ABTB3: variants seen among roughly 807,000 people sequenced by gnomAD.
ABTB3 encodes ankyrin repeat and BTB domain containing 3.
chr12:107,547,818 G>T, the ABTB3 span, among the ~76,000 whole-genome samples: 1 of 152,182 alleles, frequency 6.6e-6, no homozygotes, highest in Non-Finnish European at 1.5e-5. Flanking sequence ...TCATGAGACT[G>T]ATGTGAGCAA....
chr12:107,525,683 G>C, the ABTB3 span, among the ~76,000 whole-genome samples: 1 of 152,206 alleles, frequency 6.6e-6, no homozygotes, highest in Admixed American at 6.5e-5. Flanking sequence ...GACCACCTCT[G>C]CAGACTGGGA....
the ABTB3 span, among the ~76,000 whole-genome samples, chr12:107,437,691 C>T: frequency 6.6e-6 from 1 of 152,154 alleles, no homozygotes; most frequent in Non-Finnish European, 1.5e-5. Flanking sequence ...TGTGAGCCAC[C>T]ACACCCGGCC....
chr12:107,387,528 G>A, the ABTB3 span, among the ~76,000 whole-genome samples: 2 of 152,336 alleles, frequency 1.3e-5, no homozygotes, highest in African/African-American at 4.8e-5. Context: ...GGGGAAGACA[G>A]ATGTTAAACA....
the ABTB3 span, among the ~76,000 whole-genome samples, chr12:107,440,096 C>T: frequency 6.6e-6 from 1 of 152,236 alleles, no homozygotes; most frequent in Non-Finnish European, 1.5e-5. Context: ...CCCCGCCGCT[C>T]CTTACAATCC....
At chr12:107,493,488 C>A in the ABTB3 span, among the ~76,000 whole-genome samples, 1 of 152,182 alleles carries the variant, frequency 6.6e-6, no homozygotes, top group Non-Finnish European at 1.5e-5. Flanking sequence ...GCCTCAGAGG[C>A]CGGCCCCTCT....
At chr12:107,348,532 G>T in the ABTB3 span, among the ~76,000 whole-genome samples, 19 of 152,254 alleles carry the variant, frequency 1.2e-4, no homozygotes, top group African/African-American at 4.3e-4. Flanking sequence ...AGACCAAACT[G>T]GGCAACATAG....
At chr12:107,571,620 G>T in the ABTB3 span, among the ~76,000 whole-genome samples, 5 of 152,246 alleles carry the variant, frequency 3.3e-5, no homozygotes, top group African/African-American at 9.6e-5. Flanking sequence ...GCCCAAGCCT[G>T]CAAGGCGTGT....
At chr12:107,558,488 G>T in the ABTB3 span, among the ~76,000 whole-genome samples, 3 of 152,210 alleles carry the variant, frequency 2.0e-5, no homozygotes, top group African/African-American at 7.2e-5. Context: ...TCGGGGAGAA[G>T]ATTTTTGTCT....
At chr12:107,568,617 C>A in the ABTB3 span, among the ~76,000 whole-genome samples, 1 of 152,202 alleles carries the variant, frequency 6.6e-6, no homozygotes, top group Non-Finnish European at 1.5e-5. Flanking sequence ...AGCTACCAAA[C>A]TGGACAGCAC....
chr12:107,331,396 C>T, the ABTB3 span, among the ~76,000 whole-genome samples: 3 of 152,156 alleles, frequency 2.0e-5, no homozygotes, highest in Non-Finnish European at 2.9e-5. Flanking sequence ...ACAGTTGCTC[C>T]GCGGGAGAGG....
At chr12:107,618,366 A>T in the ABTB3 span, 1 of 1,612,642 alleles carries the variant, frequency 6.2e-7, no homozygotes, top group East Asian at 2.2e-5. Flanking sequence ...CACAATTGAT[A>T]TCAGGAGCAT....
chr12:107,474,783 C>G, the ABTB3 span, among the ~76,000 whole-genome samples: 1 of 151,976 alleles, frequency 6.6e-6, no homozygotes, highest in Non-Finnish European at 1.5e-5. Flanking sequence ...AGCAGATGCC[C>G]TGCAGAGTGA....
the ABTB3 span, among the ~76,000 whole-genome samples, chr12:107,499,967 T>C: frequency 6.6e-6 from 1 of 152,176 alleles, no homozygotes; most frequent in Non-Finnish European, 1.5e-5. Flanking sequence ...ATTACAGACA[T>C]GAGCCACTGG....
the ABTB3 span, among the ~76,000 whole-genome samples, chr12:107,322,236 C>T: frequency 2.0e-5 from 3 of 152,168 alleles, no homozygotes; most frequent in South Asian, 4.1e-4. Flanking sequence ...GAGTGTGTGA[C>T]GGTTGGGGTT....
the ABTB3 span, among the ~76,000 whole-genome samples, chr12:107,412,011 G>A: frequency 6.6e-6 from 1 of 152,228 alleles, no homozygotes; most frequent in Middle Eastern, 3.4e-3. Context: ...GGATGCCAGG[G>A]CCCCCAGCAA....
chr12:107,657,584 G>A, the ABTB3 span: 31 of 1,614,062 alleles, frequency 1.9e-5, no homozygotes, highest in East Asian at 5.3e-4. Flanking sequence ...CATTGAAAAC[G>A]AAGCATTCAA....
chr12:107,554,242 G>A, the ABTB3 span, among the ~76,000 whole-genome samples: 18 of 152,132 alleles, frequency 1.2e-4, no homozygotes, highest in Non-Finnish European at 2.4e-4. Flanking sequence ...CCTAAGGATC[G>A]TCATAGCACA....
At chr12:107,535,092 C>T in the ABTB3 span, among the ~76,000 whole-genome samples, 4 of 152,224 alleles carry the variant, frequency 2.6e-5, no homozygotes, top group East Asian at 3.9e-4. Flanking sequence ...CATAATACAT[C>T]GTAATCTGGT....
At chr12:107,410,553 T>C in the ABTB3 span, among the ~76,000 whole-genome samples, 30 of 152,160 alleles carry the variant, frequency 2.0e-4, no homozygotes, top group Non-Finnish European at 3.8e-4. Context: ...GTGAAATGGG[T>C]AGGCCCAGTT....
Sources: gnomAD v4.1 joint callset for allele counts (sites outside exome capture counted in the v4.1 genomes callset) on GRCh38, gnomAD v4.1.1 for gene constraint, MANE v1.5 for transcripts, NCBI Gene and HGNC (gene_info 2026-07-23, HGNC 2026-07-21) for gene names.